The following CNTN5 variants were observed in gnomAD, a reference collection of about 807,000 sequenced individuals.
The protein encoded by CNTN5 is contactin 5.
A neutral mutation model predicts 129.1 loss-of-function variants in CNTN5; 77 were observed. The ratio of observed to expected loss-of-function variants is 0.60; its 90% CI spans 0.50 to 0.72. The LOEUF is 0.72. Ranked by LOEUF, CNTN5 falls within the 30% of genes least tolerant of loss-of-function variation. The probability of loss-of-function intolerance (pLI) is 0.00; values close to 1 mark genes in which losing one functional copy is unlikely to be tolerated. For synonymous variants in CNTN5, 509 were observed against 465.6 expected, an observed-to-expected ratio of 1.09 and a Z score of -1.20; for missense variants, 1,478 against 1,328.8, an observed-to-expected ratio of 1.11 and a Z score of -1.75.
intron 6 of CNTN5, among the ~76,000 whole-genome samples, chr11:99,868,167 G>A (rs1948405219): frequency 6.6e-6 from 1 of 151,278 alleles, no homozygotes; most frequent in East Asian, 1.9e-4. Flanking sequence ...GATGAGCTGA[G>A]AACGTGCCGC....
At chr11:99,448,374 T>G (rs1453162252) in intron 2 of CNTN5, among the ~76,000 whole-genome samples, 3 of 152,192 alleles carry the variant, frequency 2.0e-5, no homozygotes, top group Admixed American at 6.5e-5. Flanking sequence ...TGTCAATACA[T>G]TCTGCTGCTA....
chr11:100,182,641 A>C (rs1948173097), intron 13 of CNTN5, among the ~76,000 whole-genome samples: 1 of 152,132 alleles, frequency 6.6e-6, no homozygotes, highest in African/African-American at 2.4e-5. Flanking sequence ...ACCACAAACA[A>C]AAAGTGATTC....
At chr11:99,166,842 C>T (rs1471352209) in intron 1 of CNTN5, among the ~76,000 whole-genome samples, 1 of 82,424 alleles carries the variant, frequency 1.2e-5, no homozygotes, top group Non-Finnish European at 2.6e-5. Flanking sequence ...GAACATATTT[C>T]GTTGAATTAC....
intron 1 of CNTN5, among the ~76,000 whole-genome samples, chr11:99,313,434 T>G (rs1865202646): frequency 6.6e-6 from 1 of 152,054 alleles, no homozygotes; most frequent in Non-Finnish European, 1.5e-5. Flanking sequence ...TATTCTAGAC[T>G]TAAGACTTTT....
At chr11:99,497,476 AGTG>A (rs1289344093) in intron 2 of CNTN5, among the ~76,000 whole-genome samples, 1 of 152,194 alleles carries the variant, frequency 6.6e-6, no homozygotes, top group Non-Finnish European at 1.5e-5. Context: ...GGAACTTAGT[AGTG>A]GCAAAACCCA....
Position 99,423,240 on chromosome 11 carries a change from C to T in CNTN5, c.-71+97756C>T, listed in dbSNP as rs141130703. Among the ~76,000 whole-genome samples, 1,333 of 152,210 alleles carry T rather than the reference C, an allele frequency of 8.8e-3. 12 individuals are homozygous for T. Among genetic ancestry groups the T allele is most frequent in the Middle Eastern group, 0.02 (6 of 294 alleles). On this transcript the variant is annotated intron_variant, in intron 2 of 24. Coordinates refer to ENST00000524871, the MANE Select transcript of CNTN5 (RefSeq NM_014361.4). ...AGTGACTATCTGTGTTAGCTATGGTCTTTACTCAGAGGAAAAAGCAGCTTC... is the reference window on the plus strand; with the variant it reads ...AGTGACTATCTGTGTTAGCTATGGTTTTTACTCAGAGGAAAAAGCAGCTTC...
chr11:99,712,275 T>C (rs1955026072), intron 3 of CNTN5, among the ~76,000 whole-genome samples: 1 of 152,200 alleles, frequency 6.6e-6, no homozygotes, highest in Non-Finnish European at 1.5e-5. Context: ...ACAAAATGTA[T>C]TCTTTAGAGA....
At chr11:99,860,545 T>C (rs908952141) in intron 6 of CNTN5, among the ~76,000 whole-genome samples, 2 of 152,168 alleles carry the variant, frequency 1.3e-5, no homozygotes, top group African/African-American at 4.8e-5. Flanking sequence ...TATCCCAGCA[T>C]CATTTATTGG....
intron 15 of CNTN5, among the ~76,000 whole-genome samples, chr11:100,214,079 C>T (rs1949089861): frequency 6.6e-6 from 1 of 151,890 alleles, no homozygotes; most frequent in Admixed American, 6.6e-5. Context: ...ATCTCATAAA[C>T]TTGAATTGTG....
chr11:99,450,980 A>G (rs1944281546), intron 2 of CNTN5, among the ~76,000 whole-genome samples: 1 of 152,064 alleles, frequency 6.6e-6, no homozygotes, highest in Non-Finnish European at 1.5e-5. Context: ...GTGTAAAAGG[A>G]ATATGATAGG....
intron 1 of CNTN5, among the ~76,000 whole-genome samples, chr11:99,163,939 T>G (rs1426099986): frequency 3.3e-5 from 5 of 152,168 alleles, no homozygotes; most frequent in Non-Finnish European, 5.9e-5. Context: ...TGTTGCAAAT[T>G]TATTGTATTT....
intron 1 of CNTN5, among the ~76,000 whole-genome samples, chr11:99,250,079 A>G (rs1338275706): frequency 6.6e-6 from 1 of 151,980 alleles, no homozygotes; most frequent in Non-Finnish European, 1.5e-5. Context: ...ACACTTCAAT[A>G]GGTTCTCAAT....
chr11:100,207,525 T>C (rs2138575359), intron 15 of CNTN5, among the ~76,000 whole-genome samples: 1 of 152,226 alleles, frequency 6.6e-6, no homozygotes. Flanking sequence ...TTAAGAAGCC[T>C]CACTAAAACT....
At chr11:100,230,338 C>T (rs973097477) in intron 16 of CNTN5, among the ~76,000 whole-genome samples, 1 of 152,128 alleles carries the variant, frequency 6.6e-6, no homozygotes, top group Non-Finnish European at 1.5e-5. Flanking sequence ...ACTTTTCTAT[C>T]TTAGACTTTC....
At chr11:99,077,311 C>T (rs916533815) in intron 1 of CNTN5, among the ~76,000 whole-genome samples, 1 of 152,184 alleles carries the variant, frequency 6.6e-6, no homozygotes, top group Non-Finnish European at 1.5e-5. Context: ...ATGCTACTGA[C>T]ATTTATATAA....
chr11:100,143,200 T>C (rs964913553), intron 13 of CNTN5, among the ~76,000 whole-genome samples: 2 of 152,176 alleles, frequency 1.3e-5, no homozygotes, highest in African/African-American at 4.8e-5. Context: ...TTTATGTTTT[T>C]TTTCTAGTCA....
At chr11:100,093,649 C>T (rs1444857947) in intron 13 of CNTN5, among the ~76,000 whole-genome samples, 1 of 152,016 alleles carries the variant, frequency 6.6e-6, no homozygotes, top group Admixed American at 6.6e-5. Context: ...CCAGGGTTCT[C>T]TAATTTTTTC....
At chr11:99,671,256 C>T (rs964148433) in intron 3 of CNTN5, among the ~76,000 whole-genome samples, 15 of 151,958 alleles carry the variant, frequency 9.9e-5, no homozygotes, top group African/African-American at 3.4e-4. Flanking sequence ...ACAGAGATTG[C>T]GTTTATCTTG....
chr11:99,056,130 A>T (rs1442936259), intron 1 of CNTN5, among the ~76,000 whole-genome samples: 7 of 151,566 alleles, frequency 4.6e-5, no homozygotes, highest in Admixed American at 4.0e-4. Context: ...CTCTTTTCTT[A>T]TTTATTTTTT....
Sources: gnomAD v4.1 joint callset for allele counts (sites outside exome capture counted in the v4.1 genomes callset) on GRCh38, gnomAD v4.1.1 for gene constraint, MANE v1.5 for transcripts, NCBI Gene and HGNC (gene_info 2026-07-23, HGNC 2026-07-21) for gene names.